Variants in ZNF311 observed in about 807,000 individuals in gnomAD.
ZNF311 encodes the protein zinc finger protein 311.
In ZNF311, 14 loss-of-function variants were observed where a neutral mutation model predicts 22.7. The observed-to-expected ratio is 0.62, with a 90% CI of 0.41 to 0.96. The LOEUF is 0.96. ZNF311 is among the 40% of genes least tolerant of loss of function. The pLI, the probability that ZNF311 is intolerant of heterozygous loss-of-function variation, is 0.00. For missense variants in ZNF311, 731 were observed against 799.0 expected (o/e 0.91, Z 1.03); for synonymous variants, 250 against 275.3 (o/e 0.91, Z 0.91).
chr6:28,995,299 G>A lies in ZNF311; in HGVS notation c.1703C>T (p.Ser568Leu), dbSNP rs1181621894. The A allele has an allele frequency of 6.2e-7, 1 of 1,613,944 alleles. No homozygotes were observed. Among genetic ancestry groups the A allele is most frequent in the South Asian group, 1.1e-5 (1 of 91,078 alleles). ...GATTCTTTTGTGCTGCCTCAGGACT[G>A]AACTATGATGGAAGGCCATTCCACA... ...EVCGMAFHHS[S>L]VLRQHKRIHT... Residue 568 changes from serine (S) to leucine (L), a missense_variant, in exon 7 of 7, where the codon TCA (serine) becomes TTA (leucine). Physicochemically the swap from Ser to Leu is moderately radical, Grantham distance 145. Transcript: ENST00000377179. This position sits in a 1 kb window ranked among gnomAD's most constrained non-coding sequence, Gnocchi z 4.7.
intron 3 of ZNF311, among the ~76,000 whole-genome samples, chr6:29,002,721 A>G (rs1368396177): frequency 3.3e-5 from 5 of 151,834 alleles, no homozygotes; most frequent in African/African-American, 4.8e-5. Context: ...CCTGGGTTCA[A>G]GCAATTCTTC....
chr6:28,998,446 C>T (rs1369760411), intron 6 of ZNF311, among the ~76,000 whole-genome samples: 1 of 152,138 alleles, frequency 6.6e-6, no homozygotes, highest in Non-Finnish European at 1.5e-5. Context: ...CCCATCTTGG[C>T]CTCCCAAATT....
chr6:29,003,559 G>A lies in ZNF311; in HGVS notation c.45C>T (p.Ser15=). 1.2e-6 allele frequency: 2 copies of A among 1,612,976 alleles called. No individual in the cohort carries two copies. The highest frequency in any genetic ancestry group is 1.7e-6 in the Non-Finnish European group (2 of 1,180,024). Residue 15 remains serine (S), a synonymous_variant, in exon 3 of 7, where the codon AGC becomes AGT. Coordinates refer to ENST00000377179, the MANE Select transcript of ZNF311 (RefSeq NM_001382360.1). ...TATCCTGGCGGGTCCAAAGCAGCTG[G>A]CTTGGTGGTCCTGAACTCTCATCCA... ...VLLDESSGPP[S]QLLWTRQDTQ...
chr6:28,999,989 C>T lies in ZNF311; in HGVS notation c.150G>A (p.Pro50=), dbSNP rs747829459. Residue 50 remains proline (P), a synonymous_variant, in exon 4 of 7, where the codon CCG becomes CCA. Coordinates refer to ENST00000377179, the MANE Select transcript of ZNF311 (RefSeq NM_001382360.1). ...GGCTCATTAGTGTGATATCTGCTTGCGGCAGGTTTCCTTGGCTTCCATCTT... is the reference window on the plus strand; with the variant it reads ...GGCTCATTAGTGTGATATCTGCTTGTGGCAGGTTTCCTTGGCTTCCATCTT... ...FTKDGSQGNL[P]QADITLMSQA... 28 of 1,613,614 alleles carry T rather than the reference C, an allele frequency of 1.7e-5. No individual in the cohort carries two copies. Among genetic ancestry groups the T allele is most frequent in the South Asian group, 3.3e-5 (3 of 90,848 alleles).
rs61751894 is a variant in ZNF311, at chr6:28,996,309, G to A, written c.693C>T (p.Asn231=). The A allele has an allele frequency of 0.086, 139,380 of 1,612,776 alleles. 6,471 individuals are homozygous for A. The highest frequency in any genetic ancestry group is 0.12 in the Admixed American group (7,259 of 60,010). The change falls in exon 7 of 7, where the codon AAC becomes AAT. Residue 231 remains asparagine, a synonymous_variant. Coordinates refer to ENST00000377179, the MANE Select transcript of ZNF311 (RefSeq NM_001382360.1). ...QKVLSKNLNP[N]SKHSQCNKVL... is the part of the protein sequence containing the mutation. ...CTTTATTACATTGACTATGTTTTGA[G>A]TTTGGATTCAAGTTTTTACTAAGCA...
In ZNF311 at chr6:29,000,031, T is replaced by C. The variant is rs768321529; in HGVS notation, c.108A>G (p.Pro36=). ...TTCCATCTTTAGTGAAGGCAGGATA[T>C]GGAGCAGGTAATAGAGCTGAGGGAA... The part of the protein sequence containing the change: ...LPQESALLPA[P]YPAFTKDGSQ... The change falls in exon 4 of 7, where the codon CCA becomes CCG. Residue 36 remains proline, a synonymous_variant. Coordinates refer to ENST00000377179, the MANE Select transcript of ZNF311 (RefSeq NM_001382360.1). The C allele has an allele frequency of 1.5e-5, 25 of 1,613,484 alleles. No individual in the cohort carries two copies. Among genetic ancestry groups the C allele is most frequent in the Non-Finnish European group, 7.6e-6 (9 of 1,179,916 alleles).
At chr6:29,001,153 A>G (rs9257453) in intron 3 of ZNF311, among the ~76,000 whole-genome samples, 12,982 of 152,180 alleles carry the variant, frequency 0.085, 618 homozygotes, top group South Asian at 0.13. Flanking sequence ...TGTAGCTTCA[A>G]TGTTTAAGGT....
In ZNF311 at chr6:28,996,092, TA is replaced by T; in HGVS notation, c.909del (p.Phe303LeufsTer104). On this transcript the variant is annotated frameshift_variant, in exon 7 of 7. Transcript: ENST00000377179. LOFTEE classifies it low-confidence loss of function (END_TRUNC). ...AAAGCCTTCCCACACTGGGTGCAAT[TA>T]AAAGGTTTCTCCCCTGTGTGGATTA... ...HRIIHTGEKP[F>X]NCTQCGKAFN... The T allele has an allele frequency of 1.9e-6, 3 of 1,613,202 alleles. No homozygotes were observed. The highest frequency in any genetic ancestry group is 2.5e-6 in the Non-Finnish European group (3 of 1,179,990).
chr6:28,997,452 C>T (rs1360116399), intron 6 of ZNF311, among the ~76,000 whole-genome samples: 8 of 152,116 alleles, frequency 5.3e-5, no homozygotes, highest in Admixed American at 2.0e-4. Flanking sequence ...TTGCTGTCAA[C>T]CAAAGACTCC....
chr6:28,999,712 G>C, intron 4 of ZNF311, 99 bp from the exon 5 acceptor site: 1 of 1,477,128 alleles, frequency 6.8e-7, no homozygotes, highest in Non-Finnish European at 9.0e-7. Context: ...GTTTATAGAA[G>C]TGAAAGGCTC....
chr6:28,995,744 A>C lies in ZNF311; in HGVS notation c.1258T>G (p.Cys420Gly). 6.2e-7 allele frequency: 1 copy of C among 1,613,748 alleles called. No individual in the cohort carries two copies. The highest frequency in any genetic ancestry group is 1.1e-5 in the South Asian group (1 of 91,068). Reference protein sequence around the residue: ...TGERPYECSKCGRAFSRSSDL... With the variant: ...TGERPYECSKGGRAFSRSSDL... The stretch of plus-strand genomic sequence containing the variant: ...GAGCTCCGACTGAAGGCCCTTCCAC[A>C]CTTGCTGCACTCATAAGGTCGTTCC... Residue 420 changes from cysteine to glycine, a missense_variant, in exon 7 of 7, where the codon TGT (cysteine) becomes GGT (glycine). By Grantham distance (159) the Cys-to-Gly change is radical. Transcript: ENST00000377179. The surrounding 1 kb of genome is among the most constrained non-coding windows in gnomAD (Gnocchi z 4.7).
At chr6:28,999,864 G>T in intron 4 of ZNF311, 92 bp downstream of exon 4, 1 of 1,368,902 alleles carries the variant, frequency 7.3e-7, no homozygotes, top group Non-Finnish European at 1.0e-6. Flanking sequence ...ATTGATTTAG[G>T]AGTTGCACAG....
chr6:28,998,803 G>C lies in ZNF311; in HGVS notation c.346C>G (p.Leu116Val). ...PFPKPPLISH[L>V]EREVDPCVQD... The stretch of plus-strand genomic sequence containing the variant: ...ACACAGGGGTCTACTTCTCGCTCCA[G>C]ATGAGAGATTAAAGGAGGTTTAGGA... Residue 116 changes from leucine (L) to valine (V), a missense_variant, in exon 6 of 7, where the codon CTG becomes GTG. Transcript: ENST00000377179. 1 of 1,613,044 alleles carries C rather than the reference G, an allele frequency of 6.2e-7. No individual in the cohort carries two copies. The highest frequency in any genetic ancestry group is 8.5e-7 in the Non-Finnish European group (1 of 1,180,012).
chr6:29,003,880 C>T, intron 2 of ZNF311, 66 bp downstream of exon 2: 1 of 1,612,792 alleles, frequency 6.2e-7, no homozygotes, highest in East Asian at 2.2e-5. Context: ...CACTGCTTTC[C>T]TTCTTTCTTG....
chr6:28,999,224 C>A (rs780266944), intron 5 of ZNF311, among the ~76,000 whole-genome samples: 11 of 151,758 alleles, frequency 7.2e-5, no homozygotes, highest in Non-Finnish European at 1.3e-4. Flanking sequence ...AAATGAGAGG[C>A]TTGAGGAAGC....
rs922405244 is a variant in ZNF311, at chr6:28,995,537, G to A, written c.1465C>T (p.His489Tyr). The change falls in exon 7 of 7, where the codon CAT (histidine) becomes TAT (tyrosine). Residue 489 changes from histidine (H) to tyrosine (Y), a missense_variant. Transcript: ENST00000377179. The surrounding 1 kb of genome is among the most constrained non-coding windows in gnomAD (Gnocchi z 4.7). ...TTCTCCCCTGTATGCTCTCGTTCAT[G>A]AGCCCTGCGCTTACAGTTATGACGA... ...AFRHNCKRRA[H>Y]EREHTGEKPY... The A allele has an allele frequency of 6.2e-7, 1 of 1,613,682 alleles. No homozygotes were observed. The highest frequency in any genetic ancestry group is 1.7e-5 in the Admixed American group (1 of 59,992).
chr6:29,004,856 G>T (rs1780971015), intron 1 of ZNF311, among the ~76,000 whole-genome samples, 152 bp downstream of exon 1: 1 of 151,964 alleles, frequency 6.6e-6, no homozygotes. Context: ...CCTTTCCATT[G>T]GCTGCTCCCT....
chr6:28,996,867 A>G (rs907879189), intron 6 of ZNF311, among the ~76,000 whole-genome samples: 1 of 152,252 alleles, frequency 6.6e-6, no homozygotes, highest in Non-Finnish European at 1.5e-5. Flanking sequence ...ACAAAACAAA[A>G]TAATCTTCAA....
At chr6:29,001,573 C>T (rs965429048) in intron 3 of ZNF311, among the ~76,000 whole-genome samples, 4 of 152,312 alleles carry the variant, frequency 2.6e-5, no homozygotes, top group South Asian at 2.1e-4. Flanking sequence ...GTTAATGTTA[C>T]ATAACAGTTC....
Sources: allele counts gnomAD v4.1 joint callset (sites outside exome capture counted in the v4.1 genomes callset), GRCh38; gene constraint gnomAD v4.1.1; non-coding constraint Gnocchi (gnomAD v3.1); transcripts MANE v1.5; gene names NCBI Gene and HGNC (gene_info 2026-07-23, HGNC 2026-07-21).